The following CCSER2 variants were observed in gnomAD, a reference collection of about 807,000 sequenced individuals.
CCSER2 encodes the protein serine-rich coiled-coil domain-containing protein 2.
Under a neutral mutation model 92.3 loss-of-function variants are expected in CCSER2, and 46 were observed. That is an observed-to-expected ratio of 0.50 (90% CI 0.39 to 0.64). CCSER2 has a LOEUF of 0.64. Among genes scored for constraint, CCSER2 ranks in the 30% least tolerant of loss-of-function variants. The pLI is 0.00. For synonymous variants in CCSER2, 433 were observed against 431.4 expected, an observed-to-expected ratio of 1.00 and a Z score of -0.04; for missense variants, 1,244 against 1,238.9, an observed-to-expected ratio of 1.00 and a Z score of -0.06.
intron 9 of CCSER2, among the ~76,000 whole-genome samples, chr10:84,482,227 T>C (rs1847500207): frequency 6.6e-6 from 1 of 152,106 alleles, no homozygotes; most frequent in African/African-American, 2.4e-5. Context: ...AAAATGATAC[T>C]TCCAGAGGAA....
At chr10:84,418,140 A>G (rs1192596530) in intron 4 of CCSER2, among the ~76,000 whole-genome samples, 1 of 152,190 alleles carries the variant, frequency 6.6e-6, no homozygotes, top group African/African-American at 2.4e-5. Flanking sequence ...GTATGTACCC[A>G]GTTTTTCCTC....
At position 84,414,704 on chromosome 10, in the gene CCSER2, C is replaced by T. The variant is rs117999037; in HGVS notation, c.1615-3067C>T. Among the ~76,000 whole-genome samples the T allele has an allele frequency of 5.8e-4, 89 of 152,166 alleles. 1 individual carries two copies. The East Asian group carries it at 0.013, about 22-fold the overall frequency. Reference sequence around the variant, plus strand: ...ATTTGAATGTTGGCCTGTCTTGCTACACAGGGGAAGTTCTGGATGATATCC... The same window carrying T: ...ATTTGAATGTTGGCCTGTCTTGCTATACAGGGGAAGTTCTGGATGATATCC... On this transcript the variant is annotated intron_variant, in intron 3 of 9. Transcript: ENST00000372088.
intron 6 of CCSER2, among the ~76,000 whole-genome samples, chr10:84,454,353 G>A (rs1056020557): frequency 2.6e-5 from 4 of 152,052 alleles, no homozygotes; most frequent in East Asian, 1.9e-4. Flanking sequence ...TGATTACATC[G>A]TAAAGGCCTA....
At chr10:84,486,146 A>C (rs1286255952) in intron 9 of CCSER2, among the ~76,000 whole-genome samples, 1 of 152,052 alleles carries the variant, frequency 6.6e-6, no homozygotes, top group Admixed American at 6.6e-5. Context: ...TCTATCATTG[A>C]TGGACATTTG....
At chr10:84,470,896 T>A (rs1213320136) in intron 8 of CCSER2, among the ~76,000 whole-genome samples, 2 of 152,136 alleles carry the variant, frequency 1.3e-5, no homozygotes, top group African/African-American at 4.8e-5. Context: ...TTATTTCCTA[T>A]GGATGCTATT....
chr10:84,457,328 TAATATA>T (rs1845761909), intron 6 of CCSER2, among the ~76,000 whole-genome samples: 1 of 59,612 alleles, frequency 1.7e-5, no homozygotes, highest in Non-Finnish European at 3.3e-5. Context: ...ATATTATATA[TAATATA>T]TTATATATTA....
rs35360074 is a variant in CCSER2 at position 84,396,221 on chromosome 10, A to G, written c.1615-21550A>G. Among the ~76,000 whole-genome samples the G allele has an allele frequency of 5.9e-3, 788 of 133,044 alleles. 3 individuals are homozygous for G. The highest frequency in any genetic ancestry group is 9.5e-3 in the Non-Finnish European group (578 of 61,164). The allele number at this position is 133,044 out of a possible 152,430, so 87.3% of individuals were successfully genotyped here. A position where few individuals can be genotyped will look rare whatever the true frequency, so the allele number is the denominator to read the frequency against. On this transcript the variant is annotated intron_variant, in intron 3 of 9. Transcript: ENST00000372088. ...TGTGTGTGTGTGTGTGTGTGTGTGT[A>G]TAAGGATTATAGTATATATTCATAC...
intron 9 of CCSER2, chr10:84,507,399 C>T: frequency 2.1e-5 from 14 of 663,508 alleles, no homozygotes; most frequent in Non-Finnish European, 2.6e-5. Context: ...GTTTTTTTTT[C>T]CAGTTTGCAT....
At chr10:84,341,037 CTTTTTTTTT>C (rs749153928) in intron 1 of CCSER2, among the ~76,000 whole-genome samples, 3 of 115,174 alleles carry the variant, frequency 2.6e-5, no homozygotes, top group African/African-American at 1.1e-4. Flanking sequence ...CAATGTAACA[CTTTTTTTTT>C]TTTTTTTTTT....
At chr10:84,357,246 A>G (rs1461994698) in intron 1 of CCSER2, among the ~76,000 whole-genome samples, 2 of 152,148 alleles carry the variant, frequency 1.3e-5, no homozygotes, top group Non-Finnish European at 2.9e-5. Context: ...ACAAGACTAT[A>G]TGTGTAAACA....
intron 5 of CCSER2, among the ~76,000 whole-genome samples, chr10:84,436,325 C>CAAAA (rs1160681619): frequency 0.15 from 2,099 of 14,336 alleles, 656 homozygotes; most frequent in Non-Finnish European, 0.17. Context: ...GACTCCGTCT[C>CAAAA]AAAAAAAAAA....
chr10:84,480,527 G>A (rs1037329328), intron 9 of CCSER2, among the ~76,000 whole-genome samples: 3 of 151,984 alleles, frequency 2.0e-5, no homozygotes, highest in African/African-American at 7.2e-5. Flanking sequence ...TTAAAAGCAT[G>A]AAAAAATAGA....
rs1191840414 is a variant in CCSER2, at chr10:84,359,373, A to C, written c.-39-11641A>C. Among the ~76,000 whole-genome samples, 5 of 152,172 alleles carry C rather than the reference A, an allele frequency of 3.3e-5. No homozygotes were observed. The East Asian group carries it at 9.6e-4, about 29-fold the overall frequency. ...GTGAGGGTCAGGTCAAGAACAGGTT[A>C]AACTAATTACGATAATAGGGGTTAA... On this transcript the variant is annotated intron_variant, in intron 1 of 9. Coordinates refer to ENST00000372088, the MANE Select transcript of CCSER2 (RefSeq NM_001284240.2).
At chr10:84,508,552 C>T (rs187443223) in intron 9 of CCSER2, among the ~76,000 whole-genome samples, 15 of 152,276 alleles carry the variant, frequency 9.9e-5, no homozygotes, top group Admixed American at 8.5e-4. Context: ...CTAAGTGACT[C>T]AGTATTGTGT....
intron 9 of CCSER2, among the ~76,000 whole-genome samples, chr10:84,509,778 G>A (rs10887313): frequency 0.35 from 53,493 of 151,886 alleles, 11,237 homozygotes; most frequent in Non-Finnish European, 0.47. Context: ...GTAGTGGGGG[G>A]ATTCCTTTTG....
intron 9 of CCSER2, among the ~76,000 whole-genome samples, chr10:84,509,640 A>C (rs1020017784): frequency 6.6e-6 from 1 of 152,218 alleles, no homozygotes; most frequent in Non-Finnish European, 1.5e-5. Context: ...AGTTAGAGGC[A>C]CTTAGCTCTG....
intron 4 of CCSER2, chr10:84,424,984 A>G (rs768447609): frequency 8.4e-5 from 83 of 985,060 alleles, no homozygotes; most frequent in Middle Eastern, 5.2e-4. Flanking sequence ...CGGTAACACA[A>G]TGTCTCCCTT....
At chr10:84,442,550 A>G (rs926213964) in intron 6 of CCSER2, among the ~76,000 whole-genome samples, 1 of 152,214 alleles carries the variant, frequency 6.6e-6, no homozygotes, top group African/African-American at 2.4e-5. Context: ...TGATTCCTGG[A>G]TGGTAAGAAT....
At chr10:84,500,014 C>T (rs1458789991) in intron 9 of CCSER2, 19 of 1,612,296 alleles carry the variant, frequency 1.2e-5, no homozygotes, top group South Asian at 4.4e-5. Context: ...CATGGTATTT[C>T]CCTTCTGCAT....
Sources: allele counts gnomAD v4.1 joint callset (sites outside exome capture counted in the v4.1 genomes callset), GRCh38; gene constraint gnomAD v4.1.1; transcripts MANE v1.5; gene names NCBI Gene and HGNC (gene_info 2026-07-23, HGNC 2026-07-21).